GMDS: variants seen among roughly 807,000 people sequenced by gnomAD.
GMDS encodes the protein GDP-mannose 4,6-dehydratase, also known as GDP-mannose 4,6 dehydratase.
Under a neutral mutation model 49.9 loss-of-function variants are expected in GMDS, and 20 were observed. The observed-to-expected ratio is 0.40, with a 90% CI of 0.28 to 0.58. The LOEUF (loss-of-function observed/expected upper bound fraction) is 0.58, where lower values mean the gene tolerates loss of function less well. Among genes scored for constraint, GMDS ranks in the 20% least tolerant of loss-of-function variants. The pLI is 0.42. For synonymous variants in GMDS, 177 were observed against 178.6 expected, an observed-to-expected ratio of 0.99 and a Z score of 0.07; for missense variants, 362 against 481.4, an observed-to-expected ratio of 0.75 and a Z score of 2.32.
At chr6:1,851,431 A>G (rs891077615) in intron 7 of GMDS, among the ~76,000 whole-genome samples, 1 of 152,210 alleles carries the variant, frequency 6.6e-6, no homozygotes, top group Non-Finnish European at 1.5e-5. Flanking sequence ...ACAATATAAT[A>G]TTATATTAAA....
At chr6:1,631,500 C>T (rs11968435) in intron 9 of GMDS, among the ~76,000 whole-genome samples, 2 of 151,988 alleles carry the variant, frequency 1.3e-5, no homozygotes, top group East Asian at 3.9e-4. Context: ...AATGTCCCCC[C>T]CTCCGCCCCA....
intron 7 of GMDS, among the ~76,000 whole-genome samples, chr6:1,786,641 G>A (rs1769332296): frequency 6.6e-6 from 1 of 152,160 alleles, no homozygotes; most frequent in African/African-American, 2.4e-5. Flanking sequence ...GCACAACAGA[G>A]GCCTGAAAAA....
intron 9 of GMDS, among the ~76,000 whole-genome samples, chr6:1,647,631 T>C (rs1763526854): frequency 6.6e-6 from 1 of 152,174 alleles, no homozygotes; most frequent in East Asian, 1.9e-4. Context: ...TGCCATGTAG[T>C]GTGACAAGAC....
In GMDS at chr6:2,007,944, A is replaced by C. The variant is rs903353615; in HGVS notation, c.346-46978T>G. Among the ~76,000 whole-genome samples the C allele has an allele frequency of 4.6e-5, 7 of 152,176 alleles. No homozygotes were observed. The South Asian group carries it at 1.4e-3, about 31-fold the overall frequency. ...AGTATTTGGTTCCACAAGTTTTTTC[A>C]GGGTCAACTGTAAACTAAATATCAA... On this transcript the variant is annotated intron_variant, in intron 4 of 10. Coordinates refer to ENST00000380815, the MANE Select transcript of GMDS (RefSeq NM_001500.4).
intron 7 of GMDS, among the ~76,000 whole-genome samples, chr6:1,799,569 C>T (rs1415332363): frequency 2.6e-5 from 4 of 152,134 alleles, no homozygotes; most frequent in Admixed American, 1.3e-4. Context: ...GCTTTTCCTT[C>T]CCTACTTTCT....
chr6:1,757,238 G>A (rs919404521), intron 7 of GMDS, among the ~76,000 whole-genome samples: 1 of 152,160 alleles, frequency 6.6e-6, no homozygotes, highest in Non-Finnish European at 1.5e-5. Context: ...TGGGATATGG[G>A]AGCTCACTTT....
At chr6:1,878,314 CAAAAAA>C (rs11463549) in intron 7 of GMDS, among the ~76,000 whole-genome samples, 5 of 72,528 alleles carry the variant, frequency 6.9e-5, no homozygotes, top group African/African-American at 2.3e-4. Flanking sequence ...GAATCCATCT[CAAAAAA>C]AAAAAAAAAA....
intron 1 of GMDS, among the ~76,000 whole-genome samples, chr6:2,150,337 A>C (rs1227904687): frequency 6.6e-6 from 1 of 152,168 alleles, no homozygotes; most frequent in African/African-American, 2.4e-5. Context: ...ATTTGAGCCC[A>C]GGAGTTCAAG....
At chr6:1,997,612 G>A (rs979551478) in intron 4 of GMDS, among the ~76,000 whole-genome samples, 11 of 151,692 alleles carry the variant, frequency 7.3e-5, no homozygotes, top group African/African-American at 2.7e-4. Flanking sequence ...CTCAACCCCT[G>A]TGGTGGCTTC....
intron 7 of GMDS, among the ~76,000 whole-genome samples, chr6:1,743,951 G>A (rs933002916): frequency 5.9e-5 from 9 of 152,058 alleles, no homozygotes; most frequent in African/African-American, 1.9e-4. Flanking sequence ...TATGTGCATT[G>A]AACTCTCGTT....
At chr6:1,687,410 C>A (rs1290751899) in intron 9 of GMDS, among the ~76,000 whole-genome samples, 1 of 152,198 alleles carries the variant, frequency 6.6e-6, no homozygotes, top group East Asian at 1.9e-4. Flanking sequence ...TAAGATCAGA[C>A]AGGTGGTAGG....
chr6:1,738,122 C>T (rs758744695), intron 8 of GMDS, among the ~76,000 whole-genome samples: 1 of 148,926 alleles, frequency 6.7e-6, no homozygotes, highest in Non-Finnish European at 1.5e-5. Flanking sequence ...ACACACCACA[C>T]ACCCATACAC....
chr6:2,035,501 C>T (rs1055424963), intron 4 of GMDS, among the ~76,000 whole-genome samples: 2 of 152,014 alleles, frequency 1.3e-5, no homozygotes, highest in Non-Finnish European at 2.9e-5. Flanking sequence ...TGGCATTTGA[C>T]CTATTTCTCT....
At chr6:1,642,995 C>T (rs970150350) in intron 9 of GMDS, among the ~76,000 whole-genome samples, 1 of 152,186 alleles carries the variant, frequency 6.6e-6, no homozygotes, top group Non-Finnish European at 1.5e-5. Context: ...AGAGTTAACA[C>T]AACCACATCA....
rs1256845393 is a variant in GMDS at position 2,193,225 on chromosome 6, T to C, written c.102+52096A>G. On this transcript the variant is annotated intron_variant, in intron 1 of 10. Coordinates refer to ENST00000380815, the MANE Select transcript of GMDS (RefSeq NM_001500.4). ...TGAATATTCACGTGGGTAAAAAACC[T>C]GTTTATAATTGTCTGAGCGTAAAAC... 2.0e-5 allele frequency among the ~76,000 whole-genome samples: 3 copies of C among 152,370 alleles called. No individual in the cohort carries two copies. In the East Asian group the frequency reaches 5.8e-4, roughly 29 times the overall value.
intron 9 of GMDS, among the ~76,000 whole-genome samples, chr6:1,694,100 G>A (rs951100238): frequency 6.6e-6 from 1 of 152,138 alleles, no homozygotes; most frequent in African/African-American, 2.4e-5. Context: ...TTGAACAATG[G>A]TAGCATTGTT....
At chr6:1,769,720 T>G (rs1234550531) in intron 7 of GMDS, among the ~76,000 whole-genome samples, 1 of 147,488 alleles carries the variant, frequency 6.8e-6, no homozygotes. Context: ...TTTTTTTTTT[T>G]GAGACGGAGT....
chr6:1,646,257 C>T (rs1189670289), intron 9 of GMDS, among the ~76,000 whole-genome samples: 3 of 152,198 alleles, frequency 2.0e-5, no homozygotes, highest in African/African-American at 7.2e-5. Flanking sequence ...CCTCAGTTCC[C>T]GTGTCCTTGG....
chr6:2,106,012 C>T (rs1774221811), intron 4 of GMDS, among the ~76,000 whole-genome samples: 1 of 152,194 alleles, frequency 6.6e-6, no homozygotes, highest in Admixed American at 6.5e-5. Flanking sequence ...ACATGCCAAA[C>T]CAAGGCTTGA....
Sources: gnomAD v4.1 joint callset for allele counts (sites outside exome capture counted in the v4.1 genomes callset) on GRCh38, gnomAD v4.1.1 for gene constraint, MANE v1.5 for transcripts, NCBI Gene and HGNC (gene_info 2026-07-23, HGNC 2026-07-21) for gene names.